The following CREM variants were observed in gnomAD, a reference collection of about 807,000 sequenced individuals.
CREM encodes cAMP responsive element modulator, also known as cAMP-responsive element modulator.
Under a neutral mutation model 37.3 loss-of-function variants are expected in CREM, and 13 were observed. The observed-to-expected ratio is 0.35, with a 90% CI of 0.23 to 0.55. The LOEUF (loss-of-function observed/expected upper bound fraction) is 0.55. Among genes scored for constraint, CREM ranks in the 20% least tolerant of loss-of-function variants. The pLI is 0.88. For missense variants in CREM, 296 were observed against 362.3 expected (o/e 0.82, Z 1.49); for synonymous variants, 124 against 120.2 (o/e 1.03, Z -0.21).
At chr10:35,166,275 CAGCT>C (rs1451412910) in intron 3 of CREM, among the ~76,000 whole-genome samples, 4 of 148,416 alleles carry the variant, frequency 2.7e-5, no homozygotes, top group African/African-American at 4.9e-5. Flanking sequence ...ACAAAAAAAA[CAGCT>C]AGGCCAGACA....
intron 6 of CREM, chr10:35,196,293 A>G: frequency 1.8e-6 from 1 of 545,356 alleles, no homozygotes; most frequent in Non-Finnish European, 3.2e-6. Flanking sequence ...AGCCTCTGGT[A>G]TTTAAATTTG....
At chr10:35,129,772 A>C (rs754202048) in intron 1 of CREM, among the ~76,000 whole-genome samples, 2 of 152,266 alleles carry the variant, frequency 1.3e-5, no homozygotes, top group Non-Finnish European at 2.9e-5. Flanking sequence ...ATAAGGAAAT[A>C]AGCCTGAAAT....
At chr10:35,132,903 A>G (rs1186231708) in intron 1 of CREM, among the ~76,000 whole-genome samples, 1 of 152,180 alleles carries the variant, frequency 6.6e-6, no homozygotes, top group Non-Finnish European at 1.5e-5. Context: ...TATCTTTCAA[A>G]CTTTATTGCT....
At chr10:35,146,457 C>T (rs898599050) in intron 2 of CREM, among the ~76,000 whole-genome samples, 13 of 152,176 alleles carry the variant, frequency 8.5e-5, no homozygotes, top group Non-Finnish European at 1.6e-4. Flanking sequence ...AAAGCATTTT[C>T]CCTACCCTTT....
chr10:35,180,558 T>C (rs911463490), intron 5 of CREM, among the ~76,000 whole-genome samples: 1 of 152,224 alleles, frequency 6.6e-6, no homozygotes, highest in African/African-American at 2.4e-5. Flanking sequence ...TGTAGTGTAT[T>C]CACACGTTTG....
intron 5 of CREM, among the ~76,000 whole-genome samples, chr10:35,186,775 CAAA>C (rs2094573521): frequency 8.1e-6 from 1 of 122,966 alleles, no homozygotes; most frequent in African/African-American, 3.1e-5. Context: ...TAATATATAA[CAAA>C]TTATATATAA....
intron 6 of CREM, among the ~76,000 whole-genome samples, chr10:35,203,893 G>A (rs934567272): frequency 7.9e-5 from 12 of 152,112 alleles, no homozygotes; most frequent in Non-Finnish European, 1.6e-4. Context: ...TGGAAAGAAT[G>A]ATCCTAGACC....
intron 5 of CREM, chr10:35,179,546 A>G (rs1002131446): frequency 5.3e-6 from 2 of 377,856 alleles, no homozygotes; most frequent in Non-Finnish European, 9.4e-6. Flanking sequence ...ACATGTTTAT[A>G]TTAATCTCTA....
At chr10:35,134,990 A>G (rs1379441947) in intron 1 of CREM, among the ~76,000 whole-genome samples, 3 of 151,892 alleles carry the variant, frequency 2.0e-5, no homozygotes, top group African/African-American at 4.8e-5. Context: ...GTGAGCTGAG[A>G]TGGTGCCACT....
intron 1 of CREM, among the ~76,000 whole-genome samples, chr10:35,134,362 G>T: frequency 6.6e-6 from 1 of 152,284 alleles, no homozygotes; most frequent in African/African-American, 2.4e-5. Flanking sequence ...GATTACAGGC[G>T]CATGCCACCA....
At chr10:35,144,547 A>G (rs549059740) in intron 2 of CREM, among the ~76,000 whole-genome samples, 1 of 152,248 alleles carries the variant, frequency 6.6e-6, no homozygotes, top group South Asian at 2.1e-4. Context: ...ATTCTGTAGT[A>G]TTGACAAAGG....
intron 3 of CREM, among the ~76,000 whole-genome samples, chr10:35,158,808 T>G (rs896031154): frequency 8.8e-5 from 12 of 135,830 alleles, no homozygotes; most frequent in African/African-American, 3.0e-4. Flanking sequence ...GTTTTTTTTT[T>G]GTTGTTTTGT....
intron 5 of CREM, among the ~76,000 whole-genome samples, chr10:35,186,711 A>C (rs2094566828): frequency 7.3e-6 from 1 of 137,846 alleles, no homozygotes; most frequent in Non-Finnish European, 1.5e-5. Context: ...TCATATATAC[A>C]ACATATATAA....
chr10:35,165,625 T>C (rs2132433626), intron 3 of CREM, among the ~76,000 whole-genome samples: 1 of 152,194 alleles, frequency 6.6e-6, no homozygotes, highest in Middle Eastern at 3.4e-3. Context: ...TGAAACCAAA[T>C]ACGAGATTGG....
At chr10:35,186,873 TATA>T (rs1174275133) in intron 5 of CREM, among the ~76,000 whole-genome samples, 2 of 102,436 alleles carry the variant, frequency 2.0e-5, no homozygotes, top group African/African-American at 7.9e-5. Flanking sequence ...AATTATATAT[TATA>T]TATAAAATAT....
At chr10:35,184,777 A>G (rs1473180269) in intron 5 of CREM, among the ~76,000 whole-genome samples, 3 of 151,702 alleles carry the variant, frequency 2.0e-5, no homozygotes, top group Non-Finnish European at 4.4e-5. Context: ...CTGAAAAGAA[A>G]AAAGGAAACG....
At chr10:35,195,174 T>C in intron 6 of CREM, 1 of 1,613,768 alleles carries the variant, frequency 6.2e-7, no homozygotes, top group Non-Finnish European at 8.5e-7. Context: ...GACAGTTCTG[T>C]CTGCAGAAGC....
In CREM at chr10:35,206,993, C is replaced by T. The variant is rs774097221; in HGVS notation, c.697C>T (p.Pro233Ser). The T allele has an allele frequency of 8.7e-6, 14 of 1,613,946 alleles. No homozygotes were observed. The highest frequency in any genetic ancestry group is 5.9e-6 in the Non-Finnish European group (7 of 1,179,998). The change falls in exon 7 of 8, where the codon CCC (proline) becomes TCC (serine). Residue 233 changes from proline (P) to serine (S), a missense_variant. Coordinates refer to ENST00000685392, the MANE Select transcript of CREM (RefSeq NM_183011.2). Reference sequence around the variant, plus strand: ...TGCATCGCCCGGAAGTTTGCACAGTCCCCAGCAGCTGGCAGAAGAAGCAAC... The same window carrying T: ...TGCATCGCCCGGAAGTTTGCACAGTTCCCAGCAGCTGGCAGAAGAAGCAAC... ...MAASPGSLHS[P>S]QQLAEEATRK...
rs539532105 is a variant in CREM, at chr10:35,212,185, C to CA, written c.*794dup. ...CCAGCAGTACAATAAAAGTAAACCA[C>CA]AAAAAAATACCTCAGGAAAGAATAG... is the stretch of plus-strand genomic sequence containing the variant. On this transcript the variant is annotated 3_prime_UTR_variant, in exon 8 of 8. Transcript: ENST00000685392. 912 of 157,620 alleles carry CA rather than the reference C, an allele frequency of 5.8e-3. 11 individuals carry two copies. Among genetic ancestry groups the CA allele is most frequent in the African/African-American group, 0.021 (863 of 41,558 alleles). The allele number at this position is 157,620 out of a possible 1,614,324, so 9.8% of individuals were successfully genotyped here.
Sources: allele counts gnomAD v4.1 joint callset (sites outside exome capture counted in the v4.1 genomes callset), GRCh38; gene constraint gnomAD v4.1.1; transcripts MANE v1.5; gene names NCBI Gene and HGNC (gene_info 2026-07-23, HGNC 2026-07-21).